The following FBXO25 variants were observed in gnomAD, a reference collection of about 807,000 sequenced individuals.
FBXO25 encodes the protein F-box protein 25.
FBXO25 carries 45 observed loss-of-function variants against 51.9 expected under a neutral mutation model. That is an observed-to-expected ratio of 0.87 (90% confidence interval 0.68 to 1.11). The LOEUF is 1.11. Among genes scored for constraint, FBXO25 ranks in the 50% most tolerant of loss-of-function variants. FBXO25 has a pLI of 0.00. For missense variants in FBXO25, 507 were observed against 428.5 expected, an observed-to-expected ratio of 1.18 and a Z score of -1.62; for synonymous variants, 199 against 151.0, an observed-to-expected ratio of 1.32 and a Z score of -2.33.
At chr8:413,790 G>A (rs1276406375) in intron 2 of FBXO25, among the ~76,000 whole-genome samples, 1 of 152,218 alleles carries the variant, frequency 6.6e-6, no homozygotes, top group Non-Finnish European at 1.5e-5. Flanking sequence ...AAAGTTACAT[G>A]CATCACGTTG....
At chr8:464,017 A>G (rs1001152911) in intron 9 of FBXO25, among the ~76,000 whole-genome samples, 2 of 151,928 alleles carry the variant, frequency 1.3e-5, no homozygotes, top group South Asian at 4.2e-4. Context: ...CCAGGCAGTT[A>G]TGGGTGCAGT....
At chr8:436,068 TC>T (rs1798087732) in intron 5 of FBXO25, among the ~76,000 whole-genome samples, 1 of 152,260 alleles carries the variant, frequency 6.6e-6, no homozygotes, top group Admixed American at 6.5e-5. Flanking sequence ...ACAAATGTTT[TC>T]TGCTTCGTGT....
At chr8:426,327 T>C (rs945750252) in intron 2 of FBXO25, among the ~76,000 whole-genome samples, 1 of 152,236 alleles carries the variant, frequency 6.6e-6, no homozygotes, top group Admixed American at 6.5e-5. Flanking sequence ...CTGTGGCTTA[T>C]ATTTTTTCCC....
chr8:420,706 A>C (rs1436459802), intron 2 of FBXO25, among the ~76,000 whole-genome samples: 1 of 152,246 alleles, frequency 6.6e-6, no homozygotes, highest in African/African-American at 2.4e-5. Flanking sequence ...GTATGATTCT[A>C]TCTAAAGGAT....
intron 6 of FBXO25, 35 bp downstream of exon 6, chr8:450,118 C>A: frequency 1.4e-6 from 2 of 1,477,982 alleles, no homozygotes; most frequent in Non-Finnish European, 9.3e-7. Context: ...TACTCTAAAT[C>A]TTAATTAGAA....
chr8:435,052 C>T (rs559927672), intron 4 of FBXO25, among the ~76,000 whole-genome samples: 76 of 152,204 alleles, frequency 5.0e-4, no homozygotes, highest in African/African-American at 1.8e-3. Flanking sequence ...TTCTTGCTAC[C>T]GAAGCACCTC....
rs1563106496 is a variant in FBXO25, at chr8:472,904, CTT to C, written c.*4101_*4102del. On this transcript the variant is annotated 3_prime_UTR_variant, in exon 10 of 10. Transcript: ENST00000350302. ...AAACTCGACTTTTTAATCTCCCTCT[CTT>C]CATTATGATGTGTGCACGTGATGGA... The C allele has an allele frequency of 1.3e-5, 2 of 152,216 alleles. No individual in the cohort carries two copies. The highest frequency in any genetic ancestry group is 2.9e-5 in the Non-Finnish European group (2 of 68,040). The allele number at this position is 152,216 out of a possible 1,614,324, so 9.4% of individuals were successfully genotyped here. A position where few individuals can be genotyped will look rare whatever the true frequency, so the allele number is the denominator to read the frequency against.
intron 8 of FBXO25, among the ~76,000 whole-genome samples, chr8:458,947 G>C (rs568776243): frequency 1.8e-4 from 27 of 152,142 alleles, no homozygotes; most frequent in Non-Finnish European, 2.4e-4. Flanking sequence ...CAGTCTCTCA[G>C]CACTCGGTAG....
At chr8:466,687 C>T (rs1343645688) in intron 9 of FBXO25, among the ~76,000 whole-genome samples, 1 of 152,174 alleles carries the variant, frequency 6.6e-6, no homozygotes, top group African/African-American at 2.4e-5. Flanking sequence ...GTCAGCAGTG[C>T]TGTGGAGCCA....
chr8:465,302 A>G (rs1424850498), intron 9 of FBXO25, among the ~76,000 whole-genome samples: 2 of 152,196 alleles, frequency 1.3e-5, no homozygotes, highest in African/African-American at 2.4e-5. Flanking sequence ...AGTGGACACA[A>G]TACTGTAGTT....
At chr8:448,308 A>G (rs1798861353) in intron 5 of FBXO25, among the ~76,000 whole-genome samples, 1 of 152,206 alleles carries the variant, frequency 6.6e-6, no homozygotes, top group South Asian at 2.1e-4. Context: ...AGTGTGCCAT[A>G]TCCTACAGGA....
chr8:409,436 A>G (rs911848912), intron 1 of FBXO25, among the ~76,000 whole-genome samples: 1 of 152,212 alleles, frequency 6.6e-6, no homozygotes, highest in Non-Finnish European at 1.5e-5. Flanking sequence ...CAGCTGAGAA[A>G]TTCAGACCAA....
chr8:475,456 A>G lies in FBXO25; in HGVS notation c.*6652A>G, dbSNP rs531194621. ...AGATTCCATATGAGTTTCAGGATGG[A>G]AAAAAAAAAGCCACTGGGATATTCT... On this transcript the variant is annotated 3_prime_UTR_variant, in exon 10 of 10. Coordinates refer to ENST00000350302, the MANE Select transcript of FBXO25 (RefSeq NM_183420.2). The G allele has an allele frequency of 6.7e-6, 1 of 150,276 alleles. No homozygotes were observed. The highest frequency in any genetic ancestry group is 2.1e-4 in the South Asian group (1 of 4,722). 9.3% of individuals were successfully genotyped at this position (150,276 alleles called of 1,614,324 possible). A position where few individuals can be genotyped will look rare whatever the true frequency, so the allele number is the denominator to read the frequency against.
intron 2 of FBXO25, among the ~76,000 whole-genome samples, chr8:425,597 ATTTATT>A (rs71525337): frequency 0.088 from 13,311 of 151,352 alleles, 646 homozygotes; most frequent in South Asian, 0.15. Context: ...TGTTTAAATA[ATTTATT>A]TTTATTATTT....
chr8:455,005 T>A (rs1250028465), intron 7 of FBXO25, among the ~76,000 whole-genome samples: 1 of 152,146 alleles, frequency 6.6e-6, no homozygotes, highest in Non-Finnish European at 1.5e-5. Context: ...ATTTGTAGCC[T>A]TTGTCAGCTT....
At chr8:451,218 A>G in intron 6 of FBXO25, 51 bp from the exon 7 acceptor site, 3 of 1,497,846 alleles carry the variant, frequency 2.0e-6, no homozygotes, top group South Asian at 1.3e-5. Flanking sequence ...ATCTTTTTTT[A>G]AAGTGTTGCT....
chr8:448,158 C>A (rs913383859), intron 5 of FBXO25, among the ~76,000 whole-genome samples: 1 of 152,042 alleles, frequency 6.6e-6, no homozygotes, highest in African/African-American at 2.4e-5. Context: ...AATCTTCAAA[C>A]AGGAAAACAA....
At chr8:454,947 C>T (rs2116759447) in intron 7 of FBXO25, among the ~76,000 whole-genome samples, 1 of 151,290 alleles carries the variant, frequency 6.6e-6, no homozygotes, top group East Asian at 1.9e-4. Flanking sequence ...CAGGTGATGG[C>T]CTCCTGGTCA....
At chr8:455,091 T>C (rs1266233435) in intron 7 of FBXO25, among the ~76,000 whole-genome samples, 1 of 152,050 alleles carries the variant, frequency 6.6e-6, no homozygotes, top group Non-Finnish European at 1.5e-5. Context: ...CAGAATTGAC[T>C]CCTGTGAGAA....
Sources: gnomAD v4.1 joint callset for allele counts (sites outside exome capture counted in the v4.1 genomes callset) on GRCh38, gnomAD v4.1.1 for gene constraint, MANE v1.5 for transcripts, NCBI Gene and HGNC (gene_info 2026-07-23, HGNC 2026-07-21) for gene names.